The following AMBRA1 variants were observed in gnomAD, a reference collection of about 807,000 sequenced individuals.
The protein encoded by AMBRA1 is activating molecule in BECN1-regulated autophagy protein 1.
Under a neutral mutation model 125.4 loss-of-function variants are expected in AMBRA1, and 47 were observed. The observed-to-expected ratio is 0.37, with a 90% CI of 0.30 to 0.48. The LOEUF (loss-of-function observed/expected upper bound fraction) is 0.48, where lower values mean the gene tolerates loss of function less well. Ranked by LOEUF, AMBRA1 falls within the 20% of genes least tolerant of loss-of-function variation. The pLI is 0.99. For synonymous variants in AMBRA1, 626 were observed against 655.5 expected (o/e 0.95, Z 0.69); for missense variants, 1,331 against 1,693.4 (o/e 0.79, Z 3.76).
intron 13 of AMBRA1, 141 bp from the exon 14 acceptor site, chr11:46,433,769 G>T (rs989187083): frequency 1.2e-6 from 1 of 858,912 alleles, no homozygotes; most frequent in South Asian, 1.7e-5. Context: ...ACTGTAGTGA[G>T]GAGTATGATG....
chr11:46,590,886 C>A (rs2044571836), intron 1 of AMBRA1, among the ~76,000 whole-genome samples: 1 of 149,450 alleles, frequency 6.7e-6, no homozygotes, highest in Non-Finnish European at 1.5e-5. Context: ...GCACTCAAGC[C>A]TGGGCGGCAG....
At chr11:46,529,549 C>T (rs1952122732) in intron 7 of AMBRA1, among the ~76,000 whole-genome samples, 1 of 152,142 alleles carries the variant, frequency 6.6e-6, no homozygotes, top group African/African-American at 2.4e-5. Flanking sequence ...ACACTTTTTG[C>T]TTGAGCTAAT....
chr11:46,429,416 C>T (rs1947341906), intron 14 of AMBRA1, among the ~76,000 whole-genome samples: 1 of 152,228 alleles, frequency 6.6e-6, no homozygotes. Flanking sequence ...CACTTATGTG[C>T]CTACAATCCC....
At chr11:46,418,521 G>A (rs1221950528) in intron 14 of AMBRA1, among the ~76,000 whole-genome samples, 1 of 151,540 alleles carries the variant, frequency 6.6e-6, no homozygotes, top group Non-Finnish European at 1.5e-5. Flanking sequence ...AGTCACATTA[G>A]GTATATCTTC....
chr11:46,563,842 C>CAAA (rs1262343623), intron 1 of AMBRA1, among the ~76,000 whole-genome samples: 15 of 46,654 alleles, frequency 3.2e-4, no homozygotes, highest in African/African-American at 9.0e-4. Flanking sequence ...GAGACTGTCT[C>CAAA]AAAAAAAAAA....
At chr11:46,425,310 TTGTGTGTGTGTGTGTGTGTGTG>T (rs34321655) in intron 14 of AMBRA1, among the ~76,000 whole-genome samples, 6 of 135,592 alleles carry the variant, frequency 4.4e-5, no homozygotes, top group East Asian at 2.1e-4. Flanking sequence ...CTTGATCCAT[TTGTGTGTGTGTGTGTGTGTGTG>T]TGTGTGTGTG....
intron 17 of AMBRA1, among the ~76,000 whole-genome samples, chr11:46,403,169 C>T (rs1306106468): frequency 1.3e-5 from 2 of 152,218 alleles, no homozygotes; most frequent in African/African-American, 2.4e-5. Context: ...GTAGGATCAA[C>T]AAGTTCCCAC....
At chr11:46,579,195 C>T (rs1394443257) in intron 1 of AMBRA1, among the ~76,000 whole-genome samples, 3 of 152,076 alleles carry the variant, frequency 2.0e-5, no homozygotes, top group African/African-American at 4.8e-5. Flanking sequence ...TGGTGGCTCA[C>T]GCCTGTAATC....
intron 8 of AMBRA1, among the ~76,000 whole-genome samples, chr11:46,510,298 A>C (rs1040060941): frequency 1.3e-5 from 2 of 152,240 alleles, no homozygotes; most frequent in African/African-American, 4.8e-5. Context: ...CCCTGTTCCC[A>C]TGCATTTTGC....
chr11:46,578,217 T>C (rs2044028596), intron 1 of AMBRA1, among the ~76,000 whole-genome samples: 1 of 152,120 alleles, frequency 6.6e-6, no homozygotes, highest in Non-Finnish European at 1.5e-5. Context: ...CCGGACGTGG[T>C]GGCTCACACC....
chr11:46,454,655 G>T (rs967786274), intron 11 of AMBRA1, among the ~76,000 whole-genome samples: 3 of 151,610 alleles, frequency 2.0e-5, no homozygotes, highest in African/African-American at 7.3e-5. Flanking sequence ...GGAGGCTGAG[G>T]CAGGAGAATG....
chr11:46,552,415 C>T (rs1347671941), intron 1 of AMBRA1, among the ~76,000 whole-genome samples: 2 of 119,400 alleles, frequency 1.7e-5, no homozygotes, highest in Non-Finnish European at 3.2e-5. Flanking sequence ...AGGCCAGGCA[C>T]GGTAGCTCAC....
intron 11 of AMBRA1, among the ~76,000 whole-genome samples, chr11:46,487,625 C>A (rs1416254175): frequency 1.3e-5 from 2 of 151,814 alleles, no homozygotes; most frequent in African/African-American, 4.8e-5. Flanking sequence ...CTATATCTTA[C>A]CAGAATTAAG....
At chr11:46,464,090 T>A (rs1237501043) in intron 11 of AMBRA1, among the ~76,000 whole-genome samples, 1 of 152,112 alleles carries the variant, frequency 6.6e-6, no homozygotes, top group Non-Finnish European at 1.5e-5. Flanking sequence ...AAGCAAAAAT[T>A]CCAACAATGG....
chr11:46,584,421 C>A lies in AMBRA1; in HGVS notation c.-121+9407G>T, dbSNP rs1416866018. 2.3e-4 allele frequency among the ~76,000 whole-genome samples: 34 copies of A among 147,804 alleles called. No individual in the cohort carries two copies. The Admixed American group carries it at 2.3e-3, about 10-fold the overall frequency. ...ATAGCATTAGGAGATATACCTAATG[C>A]TAAATGACGAGTTAGTGGGTGCAGC... is the stretch of plus-strand genomic sequence containing the variant. On this transcript the variant is annotated intron_variant, in intron 1 of 17. Transcript: ENST00000683756.
At chr11:46,451,054 GGA>G (rs746254058) in intron 11 of AMBRA1, among the ~76,000 whole-genome samples, 7 of 152,160 alleles carry the variant, frequency 4.6e-5, no homozygotes, top group Non-Finnish European at 1.0e-4. Context: ...TCACATTCTA[GGA>G]GACAGTGGGA....
intron 7 of AMBRA1, among the ~76,000 whole-genome samples, chr11:46,513,683 G>C (rs1311406600): frequency 6.6e-6 from 1 of 152,110 alleles, no homozygotes; most frequent in Admixed American, 6.6e-5. Context: ...GACCTTCCAC[G>C]GTCCAGGCAG....
At chr11:46,482,021 T>A (rs558585699) in intron 11 of AMBRA1, among the ~76,000 whole-genome samples, 1 of 152,376 alleles carries the variant, frequency 6.6e-6, no homozygotes, top group South Asian at 2.1e-4. Context: ...GGTTACTACA[T>A]CCTTGTAGTA....
intron 7 of AMBRA1, among the ~76,000 whole-genome samples, chr11:46,519,918 T>C (rs1317015427): frequency 2.0e-5 from 3 of 152,152 alleles, no homozygotes; most frequent in Non-Finnish European, 4.4e-5. Flanking sequence ...GGTGGGCGGA[T>C]CACCTGAGGT....
Sources: allele counts gnomAD v4.1 joint callset (sites outside exome capture counted in the v4.1 genomes callset), GRCh38; gene constraint gnomAD v4.1.1; transcripts MANE v1.5; gene names NCBI Gene and HGNC (gene_info 2026-07-23, HGNC 2026-07-21).